HYCC1: variants seen among roughly 807,000 people sequenced by gnomAD.
HYCC1 encodes the protein hyccin PI4KA lipid kinase complex subunit 1.
At chr7:22,939,112 A>G in the HYCC1 span, 1 of 152,166 alleles carries the variant, frequency 6.6e-6, no homozygotes, top group African/African-American at 2.4e-5. Context: ...ATATTCCACT[A>G]TATGTACGTA....
the HYCC1 span, chr7:22,976,235 G>A: frequency 1.9e-6 from 3 of 1,612,076 alleles, no homozygotes; most frequent in Non-Finnish European, 2.5e-6. Context: ...CACAGTGACT[G>A]AAGAGAAACA....
chr7:22,967,524 T>A, the HYCC1 span, among the ~76,000 whole-genome samples: 15 of 152,190 alleles, frequency 9.9e-5, no homozygotes, highest in African/African-American at 3.6e-4. Context: ...TTTTACCACG[T>A]AGACACTGGT....
At chr7:22,925,776 G>C in the HYCC1 span, among the ~76,000 whole-genome samples, 1 of 152,178 alleles carries the variant, frequency 6.6e-6, no homozygotes, top group East Asian at 1.9e-4. Context: ...TTATCCAGGA[G>C]AACTTCCCCA....
chr7:22,925,224 G>A, the HYCC1 span, among the ~76,000 whole-genome samples: 1 of 152,158 alleles, frequency 6.6e-6, no homozygotes, highest in Non-Finnish European at 1.5e-5. Flanking sequence ...AAACCACAAA[G>A]ATGGGGAAAA....
the HYCC1 span, among the ~76,000 whole-genome samples, chr7:22,921,616 T>C: frequency 6.6e-6 from 1 of 152,172 alleles, no homozygotes; most frequent in Non-Finnish European, 1.5e-5. Flanking sequence ...TTGGTATACA[T>C]AGGGGATTAG....
the HYCC1 span, among the ~76,000 whole-genome samples, chr7:22,959,429 A>G: frequency 6.6e-6 from 1 of 152,172 alleles, no homozygotes; most frequent in Non-Finnish European, 1.5e-5. Context: ...TACAGGAAGA[A>G]GAAAATAGAG....
chr7:22,969,812 C>T, the HYCC1 span, among the ~76,000 whole-genome samples: 5 of 152,188 alleles, frequency 3.3e-5, no homozygotes, highest in African/African-American at 9.7e-5. Flanking sequence ...GTGTGAGCCA[C>T]CGCATCTGGC....
chr7:22,946,841 A>G, the HYCC1 span: 1 of 840,762 alleles, frequency 1.2e-6, no homozygotes, highest in South Asian at 1.8e-5. Flanking sequence ...ATTAAGAGTC[A>G]TTGAGAAATG....
chr7:23,006,402 G>A, the HYCC1 span, among the ~76,000 whole-genome samples: 1 of 151,966 alleles, frequency 6.6e-6, no homozygotes, highest in Non-Finnish European at 1.5e-5. Flanking sequence ...AAGTAGCTGC[G>A]ACTACAGGCG....
the HYCC1 span, chr7:22,939,435 T>C: frequency 6.6e-6 from 1 of 152,180 alleles, no homozygotes; most frequent in Admixed American, 6.5e-5. Flanking sequence ...AACCAATCTT[T>C]TTCATCTTTA....
the HYCC1 span, chr7:22,944,138 G>A: frequency 6.6e-6 from 1 of 152,148 alleles, no homozygotes; most frequent in Non-Finnish European, 1.5e-5. Flanking sequence ...GGACTATGAA[G>A]AAGGAAACCG....
the HYCC1 span, among the ~76,000 whole-genome samples, chr7:23,006,803 G>A: frequency 8.6e-5 from 13 of 152,044 alleles, no homozygotes; most frequent in African/African-American, 1.4e-4. Flanking sequence ...TCAAGAAAAC[G>A]CACACCAAAC....
chr7:22,979,984 CCCA>C, the HYCC1 span, among the ~76,000 whole-genome samples: 2 of 152,066 alleles, frequency 1.3e-5, no homozygotes, highest in African/African-American at 4.8e-5. Context: ...CCATTAAATT[CCCA>C]CAACACTGGA....
the HYCC1 span, among the ~76,000 whole-genome samples, chr7:22,927,255 A>C: frequency 2.0e-5 from 3 of 152,196 alleles, no homozygotes; most frequent in Admixed American, 6.5e-5. Context: ...TGACACCCTA[A>C]CATCACAATT....
chr7:22,954,476 TG>T, the HYCC1 span, among the ~76,000 whole-genome samples: 1 of 151,092 alleles, frequency 6.6e-6, no homozygotes, highest in South Asian at 2.1e-4. Flanking sequence ...ATCACTTTTT[TG>T]TTTTTTTTAA....
the HYCC1 span, among the ~76,000 whole-genome samples, chr7:22,955,190 T>C: frequency 1.3e-5 from 2 of 151,622 alleles, no homozygotes; most frequent in Non-Finnish European, 3.0e-5. Flanking sequence ...TTAACTCAAA[T>C]TGAGAAAATC....
the HYCC1 span, among the ~76,000 whole-genome samples, chr7:22,948,656 C>T: frequency 6.6e-6 from 1 of 152,014 alleles, no homozygotes; most frequent in Non-Finnish European, 1.5e-5. Context: ...CTTCTGGGAG[C>T]CCCTCCTCAA....
At chr7:22,899,420 A>G in the HYCC1 span, among the ~76,000 whole-genome samples, 1 of 152,198 alleles carries the variant, frequency 6.6e-6, no homozygotes, top group Non-Finnish European at 1.5e-5. Flanking sequence ...ATATCCAATA[A>G]GTTAATGTAT....
At chr7:22,986,553 T>C in the HYCC1 span, among the ~76,000 whole-genome samples, 1 of 152,200 alleles carries the variant, frequency 6.6e-6, no homozygotes, top group African/African-American at 2.4e-5. Context: ...ATATTATTCT[T>C]GGCAAAATTT....
Sources: allele counts gnomAD v4.1 joint callset (sites outside exome capture counted in the v4.1 genomes callset), GRCh38; gene constraint gnomAD v4.1.1; transcripts MANE v1.5; gene names NCBI Gene and HGNC (gene_info 2026-07-23, HGNC 2026-07-21).